Variants in CYP2A6 observed in about 807,000 individuals in gnomAD.
CYP2A6 encodes cytochrome P450 family 2 subfamily A member 6.
In CYP2A6, 27 loss-of-function variants were observed where a neutral mutation model predicts 42.3. The observed-to-expected ratio is 0.64, with a 90% CI of 0.47 to 0.88. The LOEUF (loss-of-function observed/expected upper bound fraction) is 0.88. Among genes scored for constraint, CYP2A6 ranks in the 40% least tolerant of loss-of-function variants. CYP2A6 has a pLI of 0.00. For synonymous variants in CYP2A6, 238 were observed against 246.3 expected (o/e 0.97, Z 0.31); for missense variants, 628 against 646.0 (o/e 0.97, Z 0.30).
intron 8 of CYP2A6, among the ~76,000 whole-genome samples, 182 bp from the exon 9 acceptor site, chr19:40,844,159 A>G (rs2083444300): frequency 6.6e-6 from 1 of 150,886 alleles, no homozygotes; most frequent in Non-Finnish European, 1.5e-5. Flanking sequence ...AGATGTAACA[A>G]TGGTGAACCA....
intron 2 of CYP2A6, among the ~76,000 whole-genome samples, chr19:40,849,202 G>C (rs1967177263): frequency 6.6e-6 from 1 of 151,152 alleles, no homozygotes; most frequent in Non-Finnish European, 1.5e-5. Flanking sequence ...AGGAAGTGGG[G>C]AGAGAAAGAG....
chr19:40,846,752 A>C, intron 5 of CYP2A6, 123 bp downstream of exon 5: 1 of 1,417,248 alleles, frequency 7.1e-7, no homozygotes, highest in Non-Finnish European at 9.4e-7. Flanking sequence ...CACCCAGCCA[A>C]TTGTGAGGAT....
At chr19:40,849,419 A>C (rs1293182769) in intron 2 of CYP2A6, among the ~76,000 whole-genome samples, 2 of 151,476 alleles carry the variant, frequency 1.3e-5, no homozygotes, top group Non-Finnish European at 2.9e-5. Flanking sequence ...TGAAATCCTA[A>C]GACAGAGGAA....
chr19:40,847,934 G>GA (rs1967128063), intron 4 of CYP2A6, among the ~76,000 whole-genome samples: 1 of 151,758 alleles, frequency 6.6e-6, no homozygotes, highest in Non-Finnish European at 1.5e-5. Context: ...GTAAGTTGGG[G>GA]ATGGGAACAC....
rs976056096 is a variant in CYP2A6, at chr19:40,844,537, A to G, written c.1303+94T>C. ...ATTCTAACAGGAACTTCCAAGCTGG[A>G]GAAATACCAGGCTACACCGCAGAGA... On this transcript the variant is annotated intron_variant, in intron 8 of 8. Coordinates refer to ENST00000301141, the MANE Select transcript of CYP2A6 (RefSeq NM_000762.6). The G allele has an allele frequency of 3.7e-6, 6 of 1,601,030 alleles. No homozygotes were observed. In the African/African-American group the frequency reaches 8.1e-5, roughly 22 times the overall value.
chr19:40,850,000 G>A lies in CYP2A6; in HGVS notation c.181-20C>T. ...ACTGATCTGATGGAGGTGGGTGGGAGTGGTTAGAGGGAGAAGCCTCCACTC... is the reference window on the plus strand; with the variant it reads ...ACTGATCTGATGGAGGTGGGTGGGAATGGTTAGAGGGAGAAGCCTCCACTC... On this transcript the variant is annotated intron_variant, in intron 1 of 8. Transcript: ENST00000301141. The A allele has an allele frequency of 6.2e-7, 1 of 1,609,674 alleles. No individual in the cohort carries two copies. Among genetic ancestry groups the A allele is most frequent in the Non-Finnish European group, 8.5e-7 (1 of 1,178,516 alleles).
At chr19:40,846,849 T>G in intron 5 of CYP2A6, 26 bp downstream of exon 5, 1 of 1,609,446 alleles carries the variant, frequency 6.2e-7, no homozygotes, top group Middle Eastern at 1.7e-4. Flanking sequence ...GCTTTGCATC[T>G]CCCCGCAGTG....
intron 7 of CYP2A6, 186 bp from the exon 8 acceptor site, chr19:40,844,958 G>A (rs952979902): frequency 7.6e-6 from 6 of 787,056 alleles, no homozygotes; most frequent in African/African-American, 7.1e-5. Context: ...GGAAGTTTGG[G>A]AGACATGGGG....
intron 3 of CYP2A6, 23 bp downstream of exon 3, chr19:40,848,591 C>A (rs8192726): frequency 0.071 from 113,406 of 1,606,586 alleles, 6,116 homozygotes; most frequent in East Asian, 0.16. Context: ...CTCCTGCCCC[C>A]GCACTCGGGG....
At chr19:40,845,151 C>A in intron 7 of CYP2A6, 143 bp downstream of exon 7, 2 of 999,772 alleles carry the variant, frequency 2.0e-6, no homozygotes, top group Non-Finnish European at 3.0e-6. Context: ...AAAGGTGGAA[C>A]GGATGTGGTG....
intron 7 of CYP2A6, 175 bp from the exon 8 acceptor site, chr19:40,844,947 AG>A (rs1394277155): frequency 1.5e-5 from 13 of 865,822 alleles, no homozygotes; most frequent in Non-Finnish European, 2.3e-5. Flanking sequence ...TCTCTGAAAC[AG>A]GAAGTTTGGG....
In CYP2A6 at chr19:40,849,977, T is replaced by C; in HGVS notation, c.184A>G (p.Ser62Gly). The C allele has an allele frequency of 6.2e-7, 1 of 1,610,594 alleles. No individual in the cohort carries two copies. Among genetic ancestry groups the C allele is most frequent in the Non-Finnish European group, 8.5e-7 (1 of 1,179,156 alleles). ...GTGAACACGGGGCCATAGCGCTCAC[T>C]GATCTGATGGAGGTGGGTGGGAGTG... Reference protein sequence around the residue: ...EQMYNSLMKISERYGPVFTIH... With the variant: ...EQMYNSLMKIGERYGPVFTIH... Residue 62 changes from serine to glycine, a missense_variant, in exon 2 of 9, where the codon AGT becomes GGT. Physicochemically the swap from Ser to Gly is moderately conservative, Grantham distance 56 (BLOSUM62 0). This residue lies in a region of CYP2A6 where 606 missense variants were observed against 568.1 expected (regional missense o/e 1.07). Coordinates refer to ENST00000301141, the MANE Select transcript of CYP2A6 (RefSeq NM_000762.6).
rs752143718 is a variant in CYP2A6 at position 40,848,342 on chromosome 19, T to C, written c.531A>G (p.Thr177=). ...CAATGGAGCTGATGACATTGGAGAC[T>C]GTGCGGCTCAGGAAGAAGGTGGGAT... ...NIDPTFFLSR[T]VSNVISSIVF... Residue 177 remains threonine, a synonymous_variant, in exon 4 of 9, where the codon ACA becomes ACG. Transcript: ENST00000301141. 7 of 1,611,808 alleles carry C rather than the reference T, an allele frequency of 4.3e-6. No individual in the cohort carries two copies. The highest frequency in any genetic ancestry group is 5.9e-6 in the Non-Finnish European group (7 of 1,179,952).
rs1487835183 is a variant in CYP2A6 at position 40,848,422 on chromosome 19, T to C, written c.494-43A>G. 7 of 1,610,038 alleles carry C rather than the reference T, an allele frequency of 4.3e-6. No homozygotes were observed. The African/African-American group carries it at 9.4e-5, about 22-fold the overall frequency. On this transcript the variant is annotated intron_variant, in intron 3 of 8. Coordinates refer to ENST00000301141, the MANE Select transcript of CYP2A6 (RefSeq NM_000762.6). ...GAAGGGGGTTGGGGAGAGAGTCAAC[T>C]CAGAGGTCTGAGGAGAGTCAGAATT...
Position 40,848,724 on chromosome 19 carries a change from C to G in CYP2A6, c.383G>C (p.Arg128Pro), listed in dbSNP as rs4986891. 2 of 1,611,718 alleles carry G rather than the reference C, an allele frequency of 1.2e-6. No homozygotes were observed. The highest frequency in any genetic ancestry group is 1.7e-6 in the Non-Finnish European group (2 of 1,179,862). The part of the protein sequence containing the change: ...FSNGERAKQL[R>P]RFSIATLRDF... ...CCGCAGGGTGGCGATGGAGAAGCGC[C>G]GGAGCTGCTTGGCGCGCTCCCCGTT... Residue 128 changes from arginine to proline, a missense_variant, in exon 3 of 9, where the codon CGG (arginine) becomes CCG (proline). By Grantham distance (103) the Arg-to-Pro change is moderately radical. Around this residue, in one of 2 missense-constraint regions of CYP2A6, gnomAD observed 606 missense variants for 568.1 expected, o/e 1.07. Coordinates refer to ENST00000301141, the MANE Select transcript of CYP2A6 (RefSeq NM_000762.6).
chr19:40,843,859 G>A lies in CYP2A6; in HGVS notation c.1422C>T (p.Ser474=). 1.2e-6 allele frequency: 2 copies of A among 1,612,030 alleles called. No individual in the cohort carries two copies. The highest frequency in any genetic ancestry group is 2.2e-5 in the South Asian group (2 of 90,898). Reference sequence around the variant, plus strand: ...TCGTGGCAAAGCCCACGTGTTTGGGGGACACGTCAATGTCCTTAGGTGACT... The same window carrying A: ...TCGTGGCAAAGCCCACGTGTTTGGGAGACACGTCAATGTCCTTAGGTGACT... The part of the protein sequence containing the change: ...SSQSPKDIDV[S]PKHVGFATIP... Residue 474 remains serine (S), a synonymous_variant, in exon 9 of 9, where the codon TCC becomes TCT. Transcript: ENST00000301141.
chr19:40,848,940 TAGAGAGAGAGAGAGAGAG>T (rs67032351), intron 2 of CYP2A6, among the ~76,000 whole-genome samples, 177 bp from the exon 3 acceptor site: 1 of 66,126 alleles, frequency 1.5e-5, no homozygotes, highest in African/African-American at 7.1e-5. Flanking sequence ...GATGTCGAGG[TAGAGAGAGAGAGAGAGAG>T]AGAGAGAGAG....
rs577696506 is a variant in CYP2A6, at chr19:40,848,513, C to T, written c.493+101G>A. 60 of 1,577,674 alleles carry T rather than the reference C, an allele frequency of 3.8e-5. 1 individual carries two copies. In the African/African-American group the frequency reaches 7.4e-4, roughly 20 times the overall value. On this transcript the variant is annotated intron_variant, in intron 3 of 8. Transcript: ENST00000301141. The stretch of plus-strand genomic sequence containing the variant: ...GACTCCAGGGCTGGAAGTGCGGGCG[C>T]CTTTCCCCACCTAGTCCCCATCCCC...
chr19:40,844,754 T>G lies in CYP2A6; in HGVS notation c.1180A>C (p.Met394Leu). The G allele has an allele frequency of 1.2e-6, 2 of 1,611,396 alleles. No homozygotes were observed. The highest frequency in any genetic ancestry group is 1.7e-6 in the Non-Finnish European group (2 of 1,179,748). ...FLPKGTEVYPMLGSVLRDPSF... is the reference protein window; with the variant it reads ...FLPKGTEVYPLLGSVLRDPSF... ...GGGTCTCTCAGCACAGAGCCCAGCA[T>G]AGGGTACACTTCGGTGCCCTGGTAG... is the stretch of plus-strand genomic sequence containing the variant. The change falls in exon 8 of 9, where the codon ATG (methionine) becomes CTG (leucine). Residue 394 changes from methionine to leucine, a missense_variant. This residue lies in a region of CYP2A6 where 606 missense variants were observed against 568.1 expected (regional missense o/e 1.07). Transcript: ENST00000301141.
Sources: gnomAD v4.1 joint callset for allele counts (sites outside exome capture counted in the v4.1 genomes callset) on GRCh38, gnomAD v4.1.1 for gene constraint, gnomAD v4.1.1 regional missense constraint, MANE v1.5 for transcripts, NCBI Gene and HGNC (gene_info 2026-07-23, HGNC 2026-07-21) for gene names.